RGS7: variants seen among roughly 807,000 people sequenced by gnomAD.
RGS7 encodes the protein regulator of G-protein signaling 7.
Under a neutral mutation model 81.1 loss-of-function variants are expected in RGS7, and 27 were observed. The observed-to-expected ratio is 0.33, with a 90% CI of 0.25 to 0.46. The LOEUF is 0.46. RGS7 is among the 20% of genes least tolerant of loss of function. RGS7 has a pLI of 1.00. For synonymous variants in RGS7, 208 were observed against 207.7 expected, an observed-to-expected ratio of 1.00 and a Z score of -0.01; for missense variants, 396 against 607.4, an observed-to-expected ratio of 0.65 and a Z score of 3.66.
intron 6 of RGS7, among the ~76,000 whole-genome samples, chr1:240,912,627 G>C (rs549415174): frequency 1.3e-5 from 2 of 152,186 alleles, no homozygotes; most frequent in South Asian, 4.2e-4. Context: ...GAAGCACATT[G>C]CTTCTTTTGC....
chr1:241,327,155 G>GAAAAGAAAAGAAAAGA (rs879555092), intron 2 of RGS7, among the ~76,000 whole-genome samples: 5 of 142,362 alleles, frequency 3.5e-5, no homozygotes, highest in East Asian at 2.2e-4. Context: ...AGGAAAGAAA[G>GAAAAGAAAAGAAAAGA]AAAGAAAGAA....
intron 10 of RGS7, among the ~76,000 whole-genome samples, chr1:240,817,312 G>A (rs1474527942): frequency 6.6e-6 from 1 of 152,154 alleles, no homozygotes; most frequent in Non-Finnish European, 1.5e-5. Flanking sequence ...GAGCAAGAAG[G>A]ATGAGGGCAT....
intron 2 of RGS7, among the ~76,000 whole-genome samples, chr1:241,243,378 A>T (rs1339741959): frequency 6.6e-6 from 1 of 152,232 alleles, no homozygotes; most frequent in African/African-American, 2.4e-5. Context: ...AAGTGATATG[A>T]TTTGAATTCT....
At chr1:240,807,402 G>A (rs1689048054) in intron 14 of RGS7, among the ~76,000 whole-genome samples, 1 of 152,034 alleles carries the variant, frequency 6.6e-6, no homozygotes, top group African/African-American at 2.4e-5. Context: ...AGGCAAAGAG[G>A]GCCACAGAGA....
At chr1:240,920,007 C>G (rs1342994937) in intron 6 of RGS7, 8 of 1,287,168 alleles carry the variant, frequency 6.2e-6, no homozygotes, top group Non-Finnish European at 8.9e-6. Context: ...AGAAGAACAT[C>G]ACCTAAGAGA....
chr1:241,180,535 T>C (rs1267170817), intron 2 of RGS7, among the ~76,000 whole-genome samples: 2 of 152,230 alleles, frequency 1.3e-5, no homozygotes, highest in African/African-American at 4.8e-5. Flanking sequence ...GACACCTGTT[T>C]CTCATTGTAT....
intron 9 of RGS7, among the ~76,000 whole-genome samples, chr1:240,846,271 A>C (rs1027054167): frequency 3.3e-5 from 5 of 152,148 alleles, no homozygotes; most frequent in African/African-American, 1.2e-4. Context: ...TTTTTCCTTA[A>C]TATTATGAAA....
chr1:241,145,608 T>G (rs1350789917), intron 2 of RGS7, among the ~76,000 whole-genome samples: 1 of 152,088 alleles, frequency 6.6e-6, no homozygotes, highest in East Asian at 1.9e-4. Flanking sequence ...TGGCCAAGGT[T>G]GTGGCACATG....
chr1:241,056,317 T>C (rs2061476313), intron 3 of RGS7, among the ~76,000 whole-genome samples: 1 of 152,232 alleles, frequency 6.6e-6, no homozygotes, highest in African/African-American at 2.4e-5. Context: ...AAGTAACACC[T>C]TCCGTACTGT....
At chr1:241,139,097 T>A (rs1033783497) in intron 2 of RGS7, among the ~76,000 whole-genome samples, 5 of 152,184 alleles carry the variant, frequency 3.3e-5, no homozygotes, top group African/African-American at 4.8e-5. Flanking sequence ...ATTTTTTTTT[T>A]AGGTTCATCT....
intron 3 of RGS7, among the ~76,000 whole-genome samples, chr1:241,038,979 A>G (rs2060469114): frequency 6.6e-6 from 1 of 151,906 alleles, no homozygotes; most frequent in African/African-American, 2.4e-5. Flanking sequence ...AGAAATAGAA[A>G]GAAAAAAAAG....
chr1:241,199,842 T>G (rs762815108), intron 2 of RGS7, among the ~76,000 whole-genome samples: 1 of 152,204 alleles, frequency 6.6e-6, no homozygotes, highest in Non-Finnish European at 1.5e-5. Flanking sequence ...TCAGAAAAAC[T>G]ACTGCTATCA....
At chr1:241,246,936 C>T (rs2076577841) in intron 2 of RGS7, among the ~76,000 whole-genome samples, 2 of 151,832 alleles carry the variant, frequency 1.3e-5, no homozygotes, top group Admixed American at 6.6e-5. Flanking sequence ...AGGAACACAG[C>T]AGCAAGGGAA....
chr1:241,201,500 C>A (rs2073494087), intron 2 of RGS7, among the ~76,000 whole-genome samples: 1 of 152,112 alleles, frequency 6.6e-6, no homozygotes, highest in South Asian at 2.1e-4. Context: ...TCCATAAACC[C>A]ATGATTTTCT....
intron 6 of RGS7, among the ~76,000 whole-genome samples, chr1:240,929,530 C>T (rs564384871): frequency 2.6e-5 from 4 of 152,174 alleles, no homozygotes; most frequent in African/African-American, 9.6e-5. Context: ...AGAGCCTGAC[C>T]ATTCTTGGAT....
chr1:240,919,935 C>A (rs932064440), intron 6 of RGS7: 29 of 1,295,984 alleles, frequency 2.2e-5, no homozygotes, highest in Non-Finnish European at 2.7e-5. Context: ...AGAAGATTCT[C>A]AAAGACCAGG....
chr1:240,833,588 T>C (rs992941056), intron 9 of RGS7, among the ~76,000 whole-genome samples: 1 of 152,200 alleles, frequency 6.6e-6, no homozygotes, highest in African/African-American at 2.4e-5. Flanking sequence ...AACCCCATTG[T>C]AGGTCAAGGA....
At chr1:241,064,890 A>G (rs996936816) in intron 3 of RGS7, among the ~76,000 whole-genome samples, 5 of 152,140 alleles carry the variant, frequency 3.3e-5, no homozygotes, top group Non-Finnish European at 7.4e-5. Context: ...CTCCACATTC[A>G]TGTCTTTTAT....
chr1:240,977,265 A>T (rs563270458), intron 4 of RGS7, among the ~76,000 whole-genome samples: 1 of 152,288 alleles, frequency 6.6e-6, no homozygotes, highest in African/African-American at 2.4e-5. Flanking sequence ...ATTGCTGCAC[A>T]TTAATTTTCC....
Sources: gnomAD v4.1 joint callset for allele counts (sites outside exome capture counted in the v4.1 genomes callset) on GRCh38, gnomAD v4.1.1 for gene constraint, MANE v1.5 for transcripts, NCBI Gene and HGNC (gene_info 2026-07-23, HGNC 2026-07-21) for gene names.